The following PSPH variants were observed in gnomAD, a reference collection of about 807,000 sequenced individuals.
The protein encoded by PSPH is L-3-phosphoserine phosphatase.
Under a neutral mutation model 23.4 loss-of-function variants are expected in PSPH, and 16 were observed. The ratio of observed to expected loss-of-function variants is 0.68; its 90% confidence interval spans 0.46 to 1.04. The LOEUF is 1.04. Among genes scored for constraint, PSPH ranks in the 50% least tolerant of loss-of-function variants. The pLI, the probability that PSPH is intolerant of heterozygous loss-of-function variation, is 0.00. For missense variants in PSPH, 223 were observed against 273.7 expected (o/e 0.81, Z 1.31); for synonymous variants, 68 against 99.7 (o/e 0.68, Z 1.89).
chr7:56,026,458 C>T (rs1790199944), intron 3 of PSPH, among the ~76,000 whole-genome samples: 1 of 138,370 alleles, frequency 7.2e-6, no homozygotes, highest in Admixed American at 8.2e-5. Context: ...CACTGCACTG[C>T]AGCCTGGGTG....
At chr7:56,012,122 C>T (rs1170581534) in intron 7 of PSPH, among the ~76,000 whole-genome samples, 2 of 151,628 alleles carry the variant, frequency 1.3e-5, no homozygotes, top group Admixed American at 1.3e-4. Flanking sequence ...CTGCTCTCAA[C>T]CTCCTCCTGC....
In PSPH at chr7:56,021,061, T is replaced by C; in HGVS notation, c.140+12A>G. ...TTTATCATTTCATAAAGTGAATAAA[T>C]GCTATCCCTACATTTCTGACACCGC... On this transcript the variant is annotated intron_variant, in intron 4 of 7. Transcript: ENST00000275605. 6.2e-7 allele frequency: 1 copy of C among 1,614,190 alleles called. No individual in the cohort carries two copies. Among genetic ancestry groups the C allele is most frequent in the Non-Finnish European group, 8.5e-7 (1 of 1,180,020 alleles).
chr7:56,049,110 G>T (rs1162837065), intron 1 of PSPH, among the ~76,000 whole-genome samples: 1 of 151,394 alleles, frequency 6.6e-6, no homozygotes, highest in Non-Finnish European at 1.5e-5. Context: ...ATTTTTAGTA[G>T]AGACGAGGTT....
chr7:56,037,778 T>G (rs1791926848), intron 1 of PSPH, among the ~76,000 whole-genome samples: 1 of 149,676 alleles, frequency 6.7e-6, no homozygotes, highest in South Asian at 2.1e-4. Context: ...AGTAGCGTGA[T>G]CTTGGCTCTC....
chr7:56,039,649 G>A (rs1792221132), intron 1 of PSPH, among the ~76,000 whole-genome samples: 1 of 151,100 alleles, frequency 6.6e-6, no homozygotes, highest in Admixed American at 6.7e-5. Context: ...GGTAGTACGT[G>A]CCTGTAGTCC....
chr7:56,025,204 G>T lies in PSPH; in HGVS notation c.-19-3973C>A, dbSNP rs192946323. On this transcript the variant is annotated intron_variant, in intron 3 of 7. Transcript: ENST00000275605. ...CTGTGGATTTTACCAACCTCAGTCC[G>T]CACAAATACACATACACACACATTT... Among the ~76,000 whole-genome samples, 10 of 152,000 alleles carry T rather than the reference G, an allele frequency of 6.6e-5. No individual in the cohort carries two copies. The South Asian group carries it at 1.9e-3, about 28-fold the overall frequency.
At chr7:56,035,343 TA>T (rs576721312) in intron 1 of PSPH, among the ~76,000 whole-genome samples, 8 of 150,644 alleles carry the variant, frequency 5.3e-5, no homozygotes, top group Middle Eastern at 3.4e-3. Flanking sequence ...AAACTCCGTT[TA>T]AAAAAAAAAT....
chr7:56,019,465 T>TA, intron 5 of PSPH, 135 bp downstream of exon 5: 1 of 985,572 alleles, frequency 1.0e-6, no homozygotes, highest in Non-Finnish European at 1.3e-6. Flanking sequence ...AAAAAATAAT[T>TA]AAAAAATTAA....
chr7:56,033,683 C>CT (rs1791346045), intron 2 of PSPH, among the ~76,000 whole-genome samples: 1 of 152,118 alleles, frequency 6.6e-6, no homozygotes, highest in Non-Finnish European at 1.5e-5. Context: ...CACTTCAACT[C>CT]TGAGTTTGGG....
At chr7:56,024,804 C>T (rs1339647473) in intron 3 of PSPH, among the ~76,000 whole-genome samples, 7 of 130,098 alleles carry the variant, frequency 5.4e-5, no homozygotes, top group East Asian at 4.7e-4. Context: ...ATTAATAAAT[C>T]TTTTTTTTTT....
chr7:56,039,806 A>C (rs1193550169), intron 1 of PSPH, among the ~76,000 whole-genome samples: 8 of 150,310 alleles, frequency 5.3e-5, no homozygotes, highest in African/African-American at 9.8e-5. Flanking sequence ...AAAAAAAAAA[A>C]AACAATATAT....
At chr7:56,039,574 G>A (rs573665013) in intron 1 of PSPH, among the ~76,000 whole-genome samples, 19 of 151,808 alleles carry the variant, frequency 1.3e-4, no homozygotes, top group African/African-American at 4.3e-4. Flanking sequence ...TCAGGAGATC[G>A]AGACCATCCT....
chr7:56,047,683 T>G (rs1793435163), intron 1 of PSPH, among the ~76,000 whole-genome samples: 1 of 151,634 alleles, frequency 6.6e-6, no homozygotes, highest in South Asian at 2.1e-4. Context: ...TTTTTTTTTT[T>G]TTGATAAGAG....
chr7:56,016,332 A>G (rs949754676), intron 6 of PSPH, among the ~76,000 whole-genome samples: 38 of 145,298 alleles, frequency 2.6e-4, no homozygotes, highest in Admixed American at 4.3e-4. Context: ...TGCACCCAGG[A>G]GGCAGAGGTT....
intron 1 of PSPH, among the ~76,000 whole-genome samples, chr7:56,040,667 G>A (rs1479771416): frequency 6.6e-6 from 1 of 151,948 alleles, no homozygotes; most frequent in African/African-American, 2.4e-5. Flanking sequence ...GGTGGTGAGG[G>A]GGGGAATGAG....
intron 3 of PSPH, among the ~76,000 whole-genome samples, chr7:56,022,381 A>T (rs1789588586): frequency 6.6e-6 from 1 of 152,122 alleles, no homozygotes; most frequent in Non-Finnish European, 1.5e-5. Flanking sequence ...CAAGTATTTG[A>T]GCTGAATCTG....
intron 1 of PSPH, among the ~76,000 whole-genome samples, chr7:56,037,897 C>G (rs56203371): frequency 6.6e-6 from 1 of 150,772 alleles, no homozygotes; most frequent in South Asian, 2.1e-4. Context: ...ATTTTTAGTA[C>G]AGACGGGGTT....
At chr7:56,049,031 C>A (rs1196856236) in intron 1 of PSPH, among the ~76,000 whole-genome samples, 1 of 151,782 alleles carries the variant, frequency 6.6e-6, no homozygotes, top group Admixed American at 6.6e-5. Context: ...GCCATTCTCT[C>A]ACCTCAGCCT....
chr7:56,021,949 CAAAA>C (rs753210160), intron 3 of PSPH, among the ~76,000 whole-genome samples: 2 of 41,834 alleles, frequency 4.8e-5, no homozygotes, highest in Middle Eastern at 0.017. Context: ...GACTCCGTCT[CAAAA>C]AAAAAAAAAA....
Sources: gnomAD v4.1 joint callset for allele counts (sites outside exome capture counted in the v4.1 genomes callset) on GRCh38, gnomAD v4.1.1 for gene constraint, MANE v1.5 for transcripts, NCBI Gene and HGNC (gene_info 2026-07-23, HGNC 2026-07-21) for gene names.